Variants in IFT122 observed in about 807,000 individuals in gnomAD.
The protein encoded by IFT122 is intraflagellar transport protein 122 homolog.
IFT122 carries 118 observed loss-of-function variants against 161.6 expected under a neutral mutation model. That is an observed-to-expected ratio of 0.73 (90% confidence interval 0.63 to 0.85). The LOEUF is 0.85. Ranked by LOEUF, IFT122 falls within the 40% of genes least tolerant of loss-of-function variation. The pLI, the probability that IFT122 is intolerant of heterozygous loss-of-function variation, is 0.00. For synonymous variants in IFT122, 550 were observed against 602.4 expected, an observed-to-expected ratio of 0.91 and a Z score of 1.27; for missense variants, 1,381 against 1,579.6, an observed-to-expected ratio of 0.87 and a Z score of 2.13.
intron 5 of IFT122, chr3:129,461,586 T>C (rs1215898310): frequency 2.1e-6 from 1 of 467,724 alleles, no homozygotes; most frequent in African/African-American, 2.0e-5. Flanking sequence ...TTGGTGTTGC[T>C]GCCTTTGGGA....
At chr3:129,455,082 CCT>C (rs2075311449) in intron 3 of IFT122, among the ~76,000 whole-genome samples, 1 of 152,046 alleles carries the variant, frequency 6.6e-6, no homozygotes, top group Non-Finnish European at 1.5e-5. Flanking sequence ...TTGGTTTTTT[CCT>C]CTTAGACCTG....
intron 8 of IFT122, 85 bp from the exon 9 acceptor site, chr3:129,469,257 C>A (rs750623588): frequency 7.3e-6 from 9 of 1,227,600 alleles, no homozygotes; most frequent in Non-Finnish European, 9.6e-6. Flanking sequence ...CCAGGACTTC[C>A]TTGTTCCTGT....
Position 129,499,932 on chromosome 3 carries a change from A to G in IFT122, c.2239A>G (p.Thr747Ala). 6.2e-7 allele frequency: 1 copy of G among 1,614,206 alleles called. No homozygotes were observed. Among genetic ancestry groups the G allele is most frequent in the Non-Finnish European group, 8.5e-7 (1 of 1,180,044 alleles). The change falls in exon 19 of 30, where the codon ACA (threonine) becomes GCA (alanine). Residue 747 changes from threonine (T) to alanine (A), a missense_variant. Transcript: ENST00000348417. Reference protein sequence around the residue: ...DFLGSGDPKETKMLITKQADW... With the variant: ...DFLGSGDPKEAKMLITKQADW... ...CCTTGGATCTGGAGACCCCAAAGAA[A>G]CAAAGATGCTAATCACCAAACAGGC...
chr3:129,513,986 C>G (rs149513210), intron 24 of IFT122: 1 of 360,660 alleles, frequency 2.8e-6, no homozygotes, highest in African/African-American at 2.1e-5. Context: ...AGGGTGGCTC[C>G]CCAGGGAGTC....
chr3:129,511,337 G>A (rs973332059), intron 23 of IFT122, among the ~76,000 whole-genome samples: 4 of 152,186 alleles, frequency 2.6e-5, no homozygotes, highest in Non-Finnish European at 2.9e-5. Flanking sequence ...AGAAATTTAC[G>A]TGTGAACTAA....
intron 17 of IFT122, among the ~76,000 whole-genome samples, chr3:129,493,537 A>G (rs1490308955): frequency 6.6e-6 from 1 of 152,246 alleles, no homozygotes; most frequent in African/African-American, 2.4e-5. Context: ...AGACGATGCC[A>G]CATCCCCATG....
rs1187547380 is a variant in IFT122, at chr3:129,517,293, CACACACACAG to C, written c.3266-174_3266-165del. ...GCACACACACACACACACACACACA[CACACACACAG>C]AGACTGCTCCTGCACACACATACAG... On this transcript the variant is annotated intron_variant, in intron 26 of 29. Coordinates refer to ENST00000348417, the MANE Select transcript of IFT122 (RefSeq NM_052989.3). Among the ~76,000 whole-genome samples the C allele has an allele frequency of 2.9e-3, 441 of 151,426 alleles. 1 individual carries two copies. Among genetic ancestry groups the C allele is most frequent in the South Asian group, 7.1e-3 (34 of 4,762 alleles).
chr3:129,445,307 C>G (rs1320999760), intron 1 of IFT122, among the ~76,000 whole-genome samples: 1 of 151,946 alleles, frequency 6.6e-6, no homozygotes, highest in African/African-American at 2.4e-5. Context: ...GCCTGGGTGA[C>G]AGAGCAAGAC....
At chr3:129,461,332 C>T (rs774176849) in intron 5 of IFT122, 28 bp downstream of exon 5, 1 of 1,534,650 alleles carries the variant, frequency 6.5e-7, no homozygotes, top group East Asian at 2.2e-5. Context: ...ATGTCCTGTC[C>T]TGGAATAACT....
intron 2 of IFT122, among the ~76,000 whole-genome samples, chr3:129,450,797 T>G (rs953158936): frequency 3.4e-5 from 5 of 146,636 alleles, no homozygotes; most frequent in Non-Finnish European, 7.4e-5. Context: ...CTCGGCTTAC[T>G]GCAAGCTCCA....
At chr3:129,517,744 AC>A (rs2084170467) in intron 27 of IFT122, 150 bp downstream of exon 27, 1 of 1,090,654 alleles carries the variant, frequency 9.2e-7, no homozygotes, top group Non-Finnish European at 1.4e-6. Context: ...CCCACATGGG[AC>A]AGGGACAGGG....
At chr3:129,446,978 C>T (rs2107851869) in intron 1 of IFT122, among the ~76,000 whole-genome samples, 1 of 152,258 alleles carries the variant, frequency 6.6e-6, no homozygotes, top group South Asian at 2.1e-4. Context: ...GTCACCTGAA[C>T]CAATGAAATC....
At chr3:129,449,547 A>G (rs1047363065) in intron 1 of IFT122, among the ~76,000 whole-genome samples, 6 of 152,190 alleles carry the variant, frequency 3.9e-5, no homozygotes, top group Non-Finnish European at 8.8e-5. Flanking sequence ...CCCTTAACAC[A>G]TTCTCTCATG....
At chr3:129,519,070 T>G (rs1220143571) in intron 27 of IFT122, 37 bp from the exon 28 acceptor site, 1 of 1,578,612 alleles carries the variant, frequency 6.3e-7, no homozygotes, top group Non-Finnish European at 8.7e-7. Flanking sequence ...TGTCTCCATC[T>G]CTGCTTCTGA....
At chr3:129,490,784 G>T (rs2079987242) in intron 16 of IFT122, among the ~76,000 whole-genome samples, 2 of 152,262 alleles carry the variant, frequency 1.3e-5, no homozygotes, top group Non-Finnish European at 2.9e-5. Flanking sequence ...TGATGTGTAA[G>T]ACCTACAGCT....
chr3:129,519,743 A>G lies in IFT122; in HGVS notation c.3636+11A>G. 2 of 1,613,004 alleles carry G rather than the reference A, an allele frequency of 1.2e-6. No individual in the cohort carries two copies. The highest frequency in any genetic ancestry group is 1.7e-6 in the Non-Finnish European group (2 of 1,179,974). On this transcript the variant is annotated intron_variant, in intron 29 of 29. Transcript: ENST00000348417. ...CCCTCCTGCTTCCAGGTAGGTGGCC[A>G]CCCTGGTAGCTCACATGTGCTTCTC...
chr3:129,451,013 C>T (rs1468399792), intron 2 of IFT122, among the ~76,000 whole-genome samples: 2 of 152,008 alleles, frequency 1.3e-5, no homozygotes, highest in African/African-American at 4.8e-5. Flanking sequence ...AGCCACCGCG[C>T]CCGGCCAGAT....
rs1559991692 is a variant in IFT122, at chr3:129,506,444, C to T, written c.2686C>T (p.Gln896Ter). 6.2e-7 allele frequency: 1 copy of T among 1,614,184 alleles called. No homozygotes were observed. Among genetic ancestry groups the T allele is most frequent in the Non-Finnish European group, 8.5e-7 (1 of 1,180,034 alleles). ...HKAGRQREAV[Q>*]VLEQLTNNAV... ...GGCTGGGCGACAGAGAGAAGCGGTC[C>T]AGGTGCTGGAGCAGCTCACAAACAA... Residue 896 changes from glutamine to a stop codon, truncating the protein, a stop_gained, in exon 22 of 30, where the codon CAG (glutamine) becomes TAG (stop). Coordinates refer to ENST00000348417, the MANE Select transcript of IFT122 (RefSeq NM_052989.3). LOFTEE classifies it high-confidence loss of function.
At chr3:129,517,709 T>C in intron 27 of IFT122, 115 bp downstream of exon 27, 1 of 1,369,112 alleles carries the variant, frequency 7.3e-7, no homozygotes, top group African/African-American at 1.4e-5. Flanking sequence ...AGCCTGGCCC[T>C]GTGTTCCCAG....
Sources: gnomAD v4.1 joint callset for allele counts (sites outside exome capture counted in the v4.1 genomes callset) on GRCh38, gnomAD v4.1.1 for gene constraint, MANE v1.5 for transcripts, NCBI Gene and HGNC (gene_info 2026-07-23, HGNC 2026-07-21) for gene names.